The following CDK8 variants were observed in gnomAD, a reference collection of about 807,000 sequenced individuals.
CDK8 encodes the protein cyclin dependent kinase 8.
Under a neutral mutation model 71.5 loss-of-function variants are expected in CDK8, and 29 were observed. The observed-to-expected ratio is 0.41, with a 90% CI of 0.30 to 0.55. CDK8 has a LOEUF of 0.55. Ranked by LOEUF, CDK8 falls within the 20% of genes least tolerant of loss-of-function variation. The pLI is 0.37. For missense variants in CDK8, 288 were observed against 572.6 expected, an observed-to-expected ratio of 0.50 and a Z score of 5.07; for synonymous variants, 161 against 192.1, an observed-to-expected ratio of 0.84 and a Z score of 1.34.
intron 1 of CDK8, among the ~76,000 whole-genome samples, chr13:26,302,641 A>G (rs1370435017): frequency 1.3e-5 from 2 of 152,180 alleles, no homozygotes; most frequent in Non-Finnish European, 2.9e-5. Context: ...AATGGAGAGT[A>G]GATTAGATGG....
At chr13:26,302,018 G>A (rs1007789858) in intron 1 of CDK8, among the ~76,000 whole-genome samples, 14 of 152,110 alleles carry the variant, frequency 9.2e-5, no homozygotes, top group African/African-American at 1.9e-4. Flanking sequence ...GCAAGAGTGC[G>A]GACCCATCTG....
chr13:26,325,188 A>G (rs1874963594), intron 1 of CDK8, among the ~76,000 whole-genome samples: 1 of 152,236 alleles, frequency 6.6e-6, no homozygotes, highest in Non-Finnish European at 1.5e-5. Context: ...CCAAATTGCT[A>G]GGAAATTCCC....
intron 1 of CDK8, among the ~76,000 whole-genome samples, chr13:26,299,321 C>G (rs1441960908): frequency 6.6e-6 from 1 of 152,056 alleles, no homozygotes; most frequent in Non-Finnish European, 1.5e-5. Flanking sequence ...CTGAGAAATG[C>G]ATTGTTAGGT....
At chr13:26,255,335 A>G (rs115483920) in intron 1 of CDK8, among the ~76,000 whole-genome samples, 10 of 152,248 alleles carry the variant, frequency 6.6e-5, no homozygotes, top group African/African-American at 2.2e-4. Flanking sequence ...CTATTTAGAT[A>G]TTATTAGCTG....
intron 2 of CDK8, among the ~76,000 whole-genome samples, chr13:26,342,138 C>T (rs1234446797): frequency 1.3e-5 from 2 of 152,202 alleles, no homozygotes; most frequent in African/African-American, 4.8e-5. Flanking sequence ...CCAGGATGGT[C>T]TCTTGACCTC....
At chr13:26,338,452 A>G (rs1873081797) in intron 2 of CDK8, among the ~76,000 whole-genome samples, 1 of 152,136 alleles carries the variant, frequency 6.6e-6, no homozygotes, top group Non-Finnish European at 1.5e-5. Flanking sequence ...TGTTGAGGAA[A>G]AAGACTCATA....
intron 1 of CDK8, among the ~76,000 whole-genome samples, chr13:26,321,408 AG>A (rs1874768778): frequency 6.6e-6 from 1 of 152,102 alleles, no homozygotes; most frequent in South Asian, 2.1e-4. Context: ...GTTAGTGTGT[AG>A]TGGTTATGGT....
intron 6 of CDK8, 114 bp downstream of exon 6, chr13:26,385,456 T>G (rs7327769): frequency 0.38 from 313,147 of 814,276 alleles, 62,166 homozygotes; most frequent in East Asian, 0.54. Flanking sequence ...AAGAGCAGAC[T>G]GAGTGTGATG....
At chr13:26,400,804 G>T (rs1004577202) in intron 10 of CDK8, among the ~76,000 whole-genome samples, 1 of 152,076 alleles carries the variant, frequency 6.6e-6, no homozygotes, top group Non-Finnish European at 1.5e-5. Context: ...TTCAGTGACA[G>T]GTTGGTTATG....
At chr13:26,279,901 GT>G (rs1872677586) in intron 1 of CDK8, among the ~76,000 whole-genome samples, 1 of 151,948 alleles carries the variant, frequency 6.6e-6, no homozygotes. Flanking sequence ...AATTACTTTT[GT>G]TTTCTTCTGA....
chr13:26,295,368 G>C (rs990326993), intron 1 of CDK8, among the ~76,000 whole-genome samples: 2 of 152,162 alleles, frequency 1.3e-5, no homozygotes, highest in Non-Finnish European at 2.9e-5. Context: ...TTATAATAAG[G>C]GAGTCTCCTG....
At chr13:26,300,248 T>A (rs1455113950) in intron 1 of CDK8, among the ~76,000 whole-genome samples, 1 of 152,116 alleles carries the variant, frequency 6.6e-6, no homozygotes, top group South Asian at 2.1e-4. Flanking sequence ...ACCATGAACT[T>A]CATATAAACT....
chr13:26,321,228 T>C (rs1226220968), intron 1 of CDK8, among the ~76,000 whole-genome samples: 2 of 152,272 alleles, frequency 1.3e-5, no homozygotes, highest in East Asian at 3.9e-4. Context: ...AATTCTGACA[T>C]ACGATACAAC....
At chr13:26,367,398 A>G (rs1178011410) in intron 4 of CDK8, among the ~76,000 whole-genome samples, 1 of 151,432 alleles carries the variant, frequency 6.6e-6, no homozygotes, top group Non-Finnish European at 1.5e-5. Flanking sequence ...TTTTTTTTTT[A>G]ATCAGCATGG....
chr13:26,258,888 A>C (rs1047088863), intron 1 of CDK8, among the ~76,000 whole-genome samples: 1 of 152,132 alleles, frequency 6.6e-6, no homozygotes, highest in African/African-American at 2.4e-5. Flanking sequence ...AAGACCTATC[A>C]GTTACTTAAC....
chr13:26,358,988 C>A, intron 4 of CDK8: 1 of 278,692 alleles, frequency 3.6e-6, no homozygotes, highest in Non-Finnish European at 7.2e-6. Flanking sequence ...GATTGTGCCA[C>A]TGCACTTCAG....
chr13:26,260,582 C>T (rs1453466557), intron 1 of CDK8, among the ~76,000 whole-genome samples: 3 of 152,054 alleles, frequency 2.0e-5, no homozygotes, highest in African/African-American at 7.2e-5. Context: ...TCTTTTGCTA[C>T]TTAGAGTTTA....
chr13:26,357,779 A>G (rs565008151), intron 4 of CDK8, among the ~76,000 whole-genome samples: 1 of 152,372 alleles, frequency 6.6e-6, no homozygotes, highest in South Asian at 2.1e-4. Context: ...GTCCAAAGAC[A>G]GTCTGCTGGC....
intron 4 of CDK8, among the ~76,000 whole-genome samples, chr13:26,363,327 C>CAACAAAAAAAAAAAAAAAA (rs1555232823): frequency 2.2e-5 from 1 of 45,240 alleles, no homozygotes; most frequent in Non-Finnish European, 3.5e-5. Context: ...GACTCCATCT[C>CAACAAAAAAAAAAAAAAAA]AAAAAAAAAA....
Sources: allele counts gnomAD v4.1 joint callset (sites outside exome capture counted in the v4.1 genomes callset), GRCh38; gene constraint gnomAD v4.1.1; transcripts MANE v1.5; gene names NCBI Gene and HGNC (gene_info 2026-07-23, HGNC 2026-07-21).